The following RALGPS2 variants were observed in gnomAD, a reference collection of about 807,000 sequenced individuals.
RALGPS2 encodes ras-specific guanine nucleotide-releasing factor RalGPS2.
A neutral mutation model predicts 86.8 loss-of-function variants in RALGPS2; 43 were observed. The ratio of observed to expected loss-of-function variants is 0.50; its 90% CI spans 0.39 to 0.64. The LOEUF is 0.64. Among genes scored for constraint, RALGPS2 ranks in the 30% least tolerant of loss-of-function variants. The pLI is 0.00. For synonymous variants in RALGPS2, 243 were observed against 231.3 expected, an observed-to-expected ratio of 1.05 and a Z score of -0.46; for missense variants, 536 against 694.6, an observed-to-expected ratio of 0.77 and a Z score of 2.57.
intron 8 of RALGPS2, among the ~76,000 whole-genome samples, chr1:178,837,783 G>A (rs1392190530): frequency 6.6e-6 from 1 of 152,118 alleles, no homozygotes; most frequent in Non-Finnish European, 1.5e-5. Flanking sequence ...CCTAACCAAG[G>A]GAAGGTGTGA....
At position 178,833,490 on chromosome 1, in the gene RALGPS2, TACAAA is replaced by T. The variant is rs751063535; in HGVS notation, c.549_553del (p.Tyr183Ter). The T allele has an allele frequency of 6.5e-7, 1 of 1,533,576 alleles. No individual in the cohort carries two copies. The allele number at this position is 1,533,576 out of a possible 1,614,324, so 95.0% of individuals were successfully genotyped here. A position where few individuals can be genotyped will look rare whatever the true frequency, so the allele number is the denominator to read the frequency against. Reference sequence around the variant, plus strand: ...ATATGTAATGAGTAAAGAAGATAACTACAAAAGACTCAGAGACTATATAAGTAGCT... The same window carrying T: ...ATATGTAATGAGTAAAGAAGATAACTAGACTCAGAGACTATATAAGTAGCT... On this transcript the variant is annotated frameshift_variant, in exon 8 of 20. Transcript: ENST00000367635. LOFTEE classifies it high-confidence loss of function.
intron 16 of RALGPS2, 72 bp downstream of exon 16, chr1:178,894,096 C>CTTT: frequency 1.1e-6 from 1 of 871,558 alleles, no homozygotes; most frequent in South Asian, 1.7e-5. Flanking sequence ...TGTAAAAGTA[C>CTTT]TAAAACAATT....
intron 8 of RALGPS2, chr1:178,853,527 C>G (rs1657322154): frequency 1.6e-6 from 2 of 1,255,342 alleles, no homozygotes; most frequent in Admixed American, 2.7e-5. Flanking sequence ...TGCATAGCAT[C>G]TTGTTTCTTG....
chr1:178,818,904 A>G (rs1655360246), intron 6 of RALGPS2, among the ~76,000 whole-genome samples: 1 of 151,534 alleles, frequency 6.6e-6, no homozygotes, highest in Non-Finnish European at 1.5e-5. Flanking sequence ...TCTTGCCATT[A>G]TGGCTTTAAC....
In RALGPS2 at chr1:178,897,756, T is replaced by G; in HGVS notation, c.1524T>G (p.His508Gln). Residue 508 changes from histidine (H) to glutamine (Q), a missense_variant and splice_region_variant, in exon 17 of 20, where the codon CAT becomes CAG. His to Gln is a conservative substitution (Grantham distance 24, BLOSUM62 0). Coordinates refer to ENST00000367635, the MANE Select transcript of RALGPS2 (RefSeq NM_152663.5). ...CTCTAAAGGCTACCGAAAGAAAACATGTAAGTATTTGTTCTCTACATTTTT... is the reference window on the plus strand; with the variant it reads ...CTCTAAAGGCTACCGAAAGAAAACAGGTAAGTATTTGTTCTCTACATTTTT... ...AKSLKATERK[H>Q]FKSTSNKNVS... The G allele has an allele frequency of 6.2e-7, 1 of 1,604,862 alleles. No individual in the cohort carries two copies.
chr1:178,785,651 C>A lies in RALGPS2; in HGVS notation c.213+44C>A. On this transcript the variant is annotated intron_variant, in intron 4 of 19. Transcript: ENST00000367635. ...GTTCCTTTTAAATATAGAAAACGATCAATCTCAAATTAAGTGTTTTAGAAA... is the reference window on the plus strand; with the variant it reads ...GTTCCTTTTAAATATAGAAAACGATAAATCTCAAATTAAGTGTTTTAGAAA... The A allele has an allele frequency of 2.6e-6, 4 of 1,525,342 alleles. No individual in the cohort carries two copies. In the South Asian group the frequency reaches 5.2e-5, roughly 20 times the overall value. 94.5% of individuals were successfully genotyped at this position (1,525,342 alleles called of 1,614,324 possible).
Position 178,874,549 on chromosome 1 carries a change from T to C in RALGPS2, c.608-2949T>C, listed in dbSNP as rs1572438714. ...CCCACTTCTTCCTTGAAGCTTTCTC[T>C]GATCCCATCAGCAAGGAATGACATT... is the stretch of plus-strand genomic sequence containing the variant. On this transcript the variant is annotated intron_variant, in intron 8 of 19. Coordinates refer to ENST00000367635, the MANE Select transcript of RALGPS2 (RefSeq NM_152663.5). 2.0e-5 allele frequency among the ~76,000 whole-genome samples: 3 copies of C among 152,220 alleles called. No homozygotes were observed. In the East Asian group the frequency reaches 5.8e-4, roughly 29 times the overall value.
chr1:178,892,546 G>C (rs1230300074), intron 15 of RALGPS2, among the ~76,000 whole-genome samples: 1 of 152,070 alleles, frequency 6.6e-6, no homozygotes, highest in East Asian at 1.9e-4. Context: ...ATTTTAAAAT[G>C]CTTCCAAGTT....
chr1:178,818,502 A>G (rs1262276625), intron 6 of RALGPS2, among the ~76,000 whole-genome samples: 2 of 152,234 alleles, frequency 1.3e-5, no homozygotes, highest in Non-Finnish European at 2.9e-5. Context: ...TGTATGGTAC[A>G]GGCCCCTTGC....
At chr1:178,772,982 T>C (rs1652877758) in intron 1 of RALGPS2, among the ~76,000 whole-genome samples, 1 of 152,092 alleles carries the variant, frequency 6.6e-6, no homozygotes. Context: ...TTTGTGTTTT[T>C]AATGGAGACG....
intron 4 of RALGPS2, among the ~76,000 whole-genome samples, chr1:178,804,253 C>CTTT (rs11302348): frequency 1.1e-3 from 140 of 132,104 alleles, no homozygotes; most frequent in South Asian, 3.3e-3. Context: ...GCTGTTTCTT[C>CTTT]TTTTTTTTTT....
chr1:178,880,075 A>G (rs755405634), intron 10 of RALGPS2, among the ~76,000 whole-genome samples: 2 of 152,126 alleles, frequency 1.3e-5, no homozygotes, highest in African/African-American at 2.4e-5. Context: ...TTTGTTCGCA[A>G]GCTTTCAAAT....
At chr1:178,832,481 AG>A (rs1656074374) in intron 7 of RALGPS2, among the ~76,000 whole-genome samples, 1 of 152,124 alleles carries the variant, frequency 6.6e-6, no homozygotes, top group South Asian at 2.1e-4. Context: ...TGGGTAACAG[AG>A]AGTATTATAT....
At chr1:178,759,469 G>A (rs1014112977) in intron 1 of RALGPS2, among the ~76,000 whole-genome samples, 2 of 148,298 alleles carry the variant, frequency 1.3e-5, no homozygotes, top group African/African-American at 4.9e-5. Flanking sequence ...TGCTGTTTTG[G>A]TTACTGTAAC....
At chr1:178,778,970 ACT>A (rs1653244533) in intron 2 of RALGPS2, among the ~76,000 whole-genome samples, 1 of 152,158 alleles carries the variant, frequency 6.6e-6, no homozygotes, top group Non-Finnish European at 1.5e-5. Flanking sequence ...AACTCATAAA[ACT>A]CTTTATTTTT....
intron 6 of RALGPS2, among the ~76,000 whole-genome samples, chr1:178,820,570 C>T (rs542710072): frequency 1.3e-5 from 2 of 152,204 alleles, no homozygotes; most frequent in African/African-American, 2.4e-5. Flanking sequence ...TCTGTAGAAC[C>T]CTATATATAC....
chr1:178,814,939 G>C (rs554932680), intron 6 of RALGPS2, among the ~76,000 whole-genome samples: 2 of 152,248 alleles, frequency 1.3e-5, no homozygotes, highest in African/African-American at 4.8e-5. Flanking sequence ...GCTTTTCATT[G>C]AATCTGATAG....
At chr1:178,870,557 C>T (rs1658692842) in intron 8 of RALGPS2, among the ~76,000 whole-genome samples, 1 of 152,086 alleles carries the variant, frequency 6.6e-6, no homozygotes, top group South Asian at 2.1e-4. Context: ...AATGCATTAA[C>T]CATTGCACAG....
chr1:178,897,806 G>C, intron 17 of RALGPS2, 50 bp downstream of exon 17: 1 of 1,521,944 alleles, frequency 6.6e-7, no homozygotes, highest in East Asian at 2.3e-5. Context: ...GACTGTTCAT[G>C]GTTATAAAGA....
Sources: allele counts gnomAD v4.1 joint callset (sites outside exome capture counted in the v4.1 genomes callset), GRCh38; gene constraint gnomAD v4.1.1; transcripts MANE v1.5; gene names NCBI Gene and HGNC (gene_info 2026-07-23, HGNC 2026-07-21).